The following HCN1 variants were observed in gnomAD, a reference collection of about 807,000 sequenced individuals.
The protein encoded by HCN1 is potassium/sodium hyperpolarization-activated cyclic nucleotide-gated channel 1.
HCN1 carries 13 observed loss-of-function variants against 78.9 expected under a neutral mutation model. The ratio of observed to expected loss-of-function variants is 0.16; its 90% CI spans 0.11 to 0.26. The LOEUF (loss-of-function observed/expected upper bound fraction) is 0.26, where lower values mean the gene tolerates loss of function less well. Ranked by LOEUF, HCN1 falls within the 10% of genes least tolerant of loss-of-function variation. HCN1 has a pLI of 1.00. For missense variants in HCN1, 810 were observed against 1,154.3 expected (o/e 0.70, Z 4.32); for synonymous variants, 552 against 455.5 (o/e 1.21, Z -2.70).
chr5:45,595,540 T>C (rs1483695370), intron 2 of HCN1, among the ~76,000 whole-genome samples: 1 of 152,102 alleles, frequency 6.6e-6, no homozygotes, highest in Non-Finnish European at 1.5e-5. Context: ...TTTGTCTCAT[T>C]TTGCTAAAAT....
At chr5:45,389,037 C>T (rs1398002602) in intron 4 of HCN1, among the ~76,000 whole-genome samples, 3 of 152,078 alleles carry the variant, frequency 2.0e-5, no homozygotes, top group Admixed American at 6.6e-5. Context: ...CAAATCTAAT[C>T]TCATCACTCT....
chr5:45,397,931 G>A (rs1268373675), intron 3 of HCN1, among the ~76,000 whole-genome samples: 3 of 151,286 alleles, frequency 2.0e-5, no homozygotes, highest in African/African-American at 2.4e-5. Flanking sequence ...GACATTAGTT[G>A]CTCTTGGCTA....
chr5:45,556,531 T>C (rs537059043), intron 2 of HCN1, among the ~76,000 whole-genome samples: 1 of 152,080 alleles, frequency 6.6e-6, no homozygotes, highest in Non-Finnish European at 1.5e-5. Context: ...CAAAATCTCT[T>C]GAATGACATT....
rs752579418 is a variant in HCN1, at chr5:45,645,398, C to A, written c.636G>T (p.Val212=). Residue 212 remains valine, a synonymous_variant, in exon 2 of 8, where the codon GTG becomes GTT. Coordinates refer to ENST00000303230, the MANE Select transcript of HCN1 (RefSeq NM_021072.4). ...AGCTTTTTAAATAATTCATCTTGAT[C>A]ACTTTGGGGTCCAGGATGATTTCAG... The part of the protein sequence containing the change: ...DSSEIILDPK[V]IKMNYLKSWF... 3.1e-6 allele frequency: 5 copies of A among 1,613,434 alleles called. No individual in the cohort carries two copies. The Admixed American group carries it at 8.4e-5, about 27-fold the overall frequency.
intron 2 of HCN1, among the ~76,000 whole-genome samples, chr5:45,528,682 C>T (rs1354710066): frequency 6.6e-6 from 1 of 151,778 alleles, no homozygotes; most frequent in Non-Finnish European, 1.5e-5. Flanking sequence ...AGAAAGATAT[C>T]CCCAAAAATT....
At chr5:45,361,999 A>G (rs1747120173) in intron 4 of HCN1, among the ~76,000 whole-genome samples, 2 of 152,168 alleles carry the variant, frequency 1.3e-5, no homozygotes, top group South Asian at 4.1e-4. Context: ...TTATGGAATA[A>G]GGGTCAAGGG....
At chr5:45,416,772 A>G in intron 3 of HCN1, among the ~76,000 whole-genome samples, 1 of 152,086 alleles carries the variant, frequency 6.6e-6, no homozygotes, top group Non-Finnish European at 1.5e-5. Context: ...TTTCATTTTA[A>G]GGTAGAAAAT....
At chr5:45,330,170 T>C (rs1326585469) in intron 5 of HCN1, among the ~76,000 whole-genome samples, 1 of 151,364 alleles carries the variant, frequency 6.6e-6, no homozygotes, top group Non-Finnish European at 1.5e-5. Context: ...CTCCAGACTT[T>C]GTATTTGATT....
At chr5:45,372,386 T>C (rs1482094115) in intron 4 of HCN1, among the ~76,000 whole-genome samples, 1 of 115,092 alleles carries the variant, frequency 8.7e-6, no homozygotes, top group African/African-American at 3.5e-5. Context: ...ATTATATAAA[T>C]ATGTAAATTA....
intron 4 of HCN1, among the ~76,000 whole-genome samples, chr5:45,359,989 T>G (rs1197017574): frequency 6.6e-6 from 1 of 150,860 alleles, no homozygotes; most frequent in East Asian, 1.9e-4. Flanking sequence ...TTTCAGTTTT[T>G]TATATGTCAA....
rs1744722146 is a variant in HCN1, at chr5:45,260,770, T to A, written c.*1151A>T. 6.6e-6 allele frequency: 1 copy of A among 152,590 alleles called. No homozygotes were observed. The highest frequency in any genetic ancestry group is 1.5e-5 in the Non-Finnish European group (1 of 68,018). 9.5% of individuals were successfully genotyped at this position (152,590 alleles called of 1,614,324 possible). ...AAAGTGAAAACCTCACTTCTAGACT[T>A]AAGTCAGAGATCCAAGTCAGCCTTA... On this transcript the variant is annotated 3_prime_UTR_variant, in exon 8 of 8. Transcript: ENST00000303230.
intron 5 of HCN1, among the ~76,000 whole-genome samples, chr5:45,342,266 C>T (rs1381558536): frequency 2.0e-5 from 3 of 147,266 alleles, no homozygotes; most frequent in Admixed American, 1.4e-4. Context: ...TGGAGTTTTG[C>T]TCTGTCACTG....
chr5:45,538,722 G>T (rs1743022891), intron 2 of HCN1, among the ~76,000 whole-genome samples: 2 of 152,048 alleles, frequency 1.3e-5, no homozygotes, highest in Non-Finnish European at 2.9e-5. Flanking sequence ...TAAAATCAAT[G>T]TACATTATCG....
intron 6 of HCN1, among the ~76,000 whole-genome samples, chr5:45,294,161 A>G (rs1054222732): frequency 2.7e-4 from 41 of 152,004 alleles, no homozygotes; most frequent in African/African-American, 9.7e-4. Flanking sequence ...TAAATTGCCA[A>G]CTGCAGATTG....
At chr5:45,424,329 AT>A (rs1223674931) in intron 3 of HCN1, among the ~76,000 whole-genome samples, 3 of 151,742 alleles carry the variant, frequency 2.0e-5, no homozygotes, top group African/African-American at 2.4e-5. Context: ...AACAAAAAAA[AT>A]AAAAACAACA....
intron 2 of HCN1, among the ~76,000 whole-genome samples, chr5:45,544,013 T>C (rs1365086288): frequency 6.6e-6 from 1 of 152,070 alleles, no homozygotes; most frequent in African/African-American, 2.4e-5. Flanking sequence ...TATGTATGGC[T>C]ACATTTTCTG....
intron 6 of HCN1, among the ~76,000 whole-genome samples, chr5:45,299,134 C>T (rs1745556470): frequency 6.6e-6 from 1 of 151,952 alleles, no homozygotes; most frequent in Non-Finnish European, 1.5e-5. Context: ...GAAGACATTA[C>T]TACTGAATGT....
intron 5 of HCN1, among the ~76,000 whole-genome samples, chr5:45,312,219 T>A (rs1745864124): frequency 6.6e-6 from 1 of 152,214 alleles, no homozygotes; most frequent in African/African-American, 2.4e-5. Context: ...TGGCAAACGG[T>A]AACCCTGCTA....
At chr5:45,454,079 T>C (rs1332477357) in intron 3 of HCN1, among the ~76,000 whole-genome samples, 1 of 152,146 alleles carries the variant, frequency 6.6e-6, no homozygotes, top group Non-Finnish European at 1.5e-5. Context: ...AAGGTCACCA[T>C]AGCCAATATA....
Sources: allele counts gnomAD v4.1 joint callset (sites outside exome capture counted in the v4.1 genomes callset), GRCh38; gene constraint gnomAD v4.1.1; transcripts MANE v1.5; gene names NCBI Gene and HGNC (gene_info 2026-07-23, HGNC 2026-07-21).